Variants in SLC44A4 observed in about 807,000 individuals in gnomAD.
SLC44A4 encodes the protein solute carrier family 44 member 4.
Under a neutral mutation model 97.0 loss-of-function variants are expected in SLC44A4, and 74 were observed. The observed-to-expected ratio is 0.76, with a 90% confidence interval of 0.63 to 0.93. The LOEUF is 0.93. SLC44A4 is among the 40% of genes least tolerant of loss of function. The probability of loss-of-function intolerance (pLI) is 0.00; values close to 1 mark genes in which losing one functional copy is unlikely to be tolerated. For missense variants in SLC44A4, 799 were observed against 902.9 expected (o/e 0.88, Z 1.48); for synonymous variants, 325 against 363.8 (o/e 0.89, Z 1.21).
chr6:31,871,822 T>A (rs1256953446), intron 7 of SLC44A4, among the ~76,000 whole-genome samples: 1 of 152,078 alleles, frequency 6.6e-6, no homozygotes, highest in Non-Finnish European at 1.5e-5. Context: ...CACCCTTCCA[T>A]CCACCCTCCA....
rs1314142901 is a variant in SLC44A4, at chr6:31,877,008, C to T, written c.89+26G>A. 2.8e-5 allele frequency: 45 copies of T among 1,600,432 alleles called. No individual in the cohort carries two copies. Among genetic ancestry groups the T allele is most frequent in the East Asian group, 4.5e-5 (2 of 44,664 alleles). Reference sequence around the variant, plus strand: ...ACACTGCACCCACCACCCCCGCCAGCCCCCGGAGCAGTGCCCAGAGCTCAC... The same window carrying T: ...ACACTGCACCCACCACCCCCGCCAGTCCCCGGAGCAGTGCCCAGAGCTCAC... On this transcript the variant is annotated intron_variant, in intron 2 of 20. Transcript: ENST00000229729. The surrounding 1 kb of genome is among the most constrained non-coding windows in gnomAD (Gnocchi z 6.5).
Position 31,864,391 on chromosome 6 carries a change from C to A in SLC44A4, c.2011+261G>T. ...ATGCCTGGCCTCTAATGGCTAACTT[C>A]TACCCGAGATTTCTTAGGGAAGATA... On this transcript the variant is annotated intron_variant, in intron 20 of 20. Coordinates refer to ENST00000229729, the MANE Select transcript of SLC44A4 (RefSeq NM_025257.3). 4 of 575,888 alleles carry A rather than the reference C, an allele frequency of 6.9e-6. No individual in the cohort carries two copies. The South Asian group carries it at 8.7e-5, about 13-fold the overall frequency. 35.7% of individuals were successfully genotyped at this position (575,888 alleles called of 1,614,324 possible). A position where few individuals can be genotyped will look rare whatever the true frequency, so the allele number is the denominator to read the frequency against.
chr6:31,864,521 AAG>A (rs1305079222), intron 20 of SLC44A4, 129 bp downstream of exon 20: 1 of 832,040 alleles, frequency 1.2e-6, no homozygotes, highest in African/African-American at 1.7e-5. Flanking sequence ...ATGTCACAAG[AAG>A]CTCCCTCTGG....
chr6:31,869,450 C>T, intron 12 of SLC44A4, 95 bp downstream of exon 12: 3 of 1,131,530 alleles, frequency 2.7e-6, no homozygotes, highest in Admixed American at 4.1e-5. Context: ...GCACCTCTTC[C>T]AGTGACACCA....
At chr6:31,864,060 G>T (rs1562439348) in intron 20 of SLC44A4, among the ~76,000 whole-genome samples, 1 of 151,320 alleles carries the variant, frequency 6.6e-6, no homozygotes, top group Admixed American at 6.6e-5. Flanking sequence ...CTCTCTAATG[G>T]CTCTTTTTTT....
chr6:31,863,656 G>A lies in SLC44A4; in HGVS notation c.2104C>T (p.Pro702Ser), dbSNP rs748155512. Residue 702 changes from proline to serine, a missense_variant, in exon 21 of 21, where the codon CCC becomes TCC. Pro to Ser is a moderately conservative substitution (Grantham distance 74). This residue lies in a region of SLC44A4 where 379 missense variants were observed against 438.3 expected (regional missense o/e 0.86). Coordinates refer to ENST00000229729, the MANE Select transcript of SLC44A4 (RefSeq NM_025257.3). ...LKILGKKNEA[P>S]PDNKKRKK ...TTCTTCCTCTTCTTGTTGTCCGGGG[G>A]CGCCTCGTTCTTCTTGCCCAGAATC... 7 of 1,612,148 alleles carry A rather than the reference G, an allele frequency of 4.3e-6. No individual in the cohort carries two copies. The highest frequency in any genetic ancestry group is 4.0e-5 in the African/African-American group (3 of 74,820).
At position 31,864,499 on chromosome 6, in the gene SLC44A4, C is replaced by G. The variant is rs1762726382; in HGVS notation, c.2011+153G>C. ...CACTCTCTTCCTTCTTCCCTAAACG[C>G]CTGGCCTCAGGATGTCACAAGAAGC... On this transcript the variant is annotated intron_variant, in intron 20 of 20. Transcript: ENST00000229729. 4 of 699,514 alleles carry G rather than the reference C, an allele frequency of 5.7e-6. No individual in the cohort carries two copies. In the African/African-American group the frequency reaches 7.2e-5, roughly 13 times the overall value. The allele number at this position is 699,514 out of a possible 1,614,324, so 43.3% of individuals were successfully genotyped here.
intron 20 of SLC44A4, 79 bp downstream of exon 20, chr6:31,864,573 A>C: frequency 1.5e-6 from 2 of 1,359,554 alleles, no homozygotes; most frequent in Non-Finnish European, 2.1e-6. Context: ...AGAAGCACCA[A>C]ATCTCCAAAA....
chr6:31,866,171 C>T, intron 13 of SLC44A4, 45 bp from the exon 14 acceptor site: 1 of 1,601,340 alleles, frequency 6.2e-7, no homozygotes, highest in Admixed American at 1.7e-5. Context: ...CATCGGGGGC[C>T]TCAGTATGGA....
At chr6:31,873,201 C>T (rs1432426902) in intron 7 of SLC44A4, among the ~76,000 whole-genome samples, 2 of 151,940 alleles carry the variant, frequency 1.3e-5, no homozygotes, top group Non-Finnish European at 2.9e-5. Flanking sequence ...GACGGAGTCT[C>T]GCTCTGTCAG....
In SLC44A4 at chr6:31,864,843, G is replaced by A. The variant is rs962038377; in HGVS notation, c.1899C>T (p.His633=). ...PGLGKDFKSP[H]LNYYWLPIMT... is the part of the protein sequence containing the mutation. Reference sequence around the variant, plus strand: ...TGATGGGCAGCCAGTAATAGTTGAGGTGGGGGCTCTTAAAGTCTTTACCCA... The same window carrying A: ...TGATGGGCAGCCAGTAATAGTTGAGATGGGGGCTCTTAAAGTCTTTACCCA... The change falls in exon 19 of 21, where the codon CAC becomes CAT. Residue 633 remains histidine (H), a synonymous_variant. Transcript: ENST00000229729. 3.1e-6 allele frequency: 5 copies of A among 1,613,966 alleles called. No individual in the cohort carries two copies. Among genetic ancestry groups the A allele is most frequent in the Non-Finnish European group, 4.2e-6 (5 of 1,180,010 alleles).
At chr6:31,866,152 A>C (rs1270124444) in intron 13 of SLC44A4, 26 bp from the exon 14 acceptor site, 2 of 1,610,378 alleles carry the variant, frequency 1.2e-6, no homozygotes, top group Admixed American at 3.3e-5. Context: ...GGGATAGAGT[A>C]GGCTCAGGCA....
chr6:31,875,046 C>T lies in SLC44A4; in HGVS notation c.243-18G>A. On this transcript the variant is annotated intron_variant, in intron 4 of 20. Coordinates refer to ENST00000229729, the MANE Select transcript of SLC44A4 (RefSeq NM_025257.3). ...GCTTATCTCTGTGGGAGGGGAGGGA[C>T]CATGTGCATCAGGGCCTGGTCAGGT... is the stretch of plus-strand genomic sequence containing the variant. 1 of 1,596,124 alleles carries T rather than the reference C, an allele frequency of 6.3e-7. No individual in the cohort carries two copies. The highest frequency in any genetic ancestry group is 8.6e-7 in the Non-Finnish European group (1 of 1,166,916).
In SLC44A4 at chr6:31,874,798, C is replaced by T. The variant is rs147774384; in HGVS notation, c.391G>A (p.Glu131Lys). Residue 131 changes from glutamate (E) to lysine (K), a missense_variant, in exon 6 of 21, where the codon GAG (glutamate) becomes AAG (lysine). By Grantham distance (56) the Glu-to-Lys change is moderately conservative (BLOSUM62 1). Coordinates refer to ENST00000229729, the MANE Select transcript of SLC44A4 (RefSeq NM_025257.3). This position sits in a 1 kb window ranked among gnomAD's most constrained non-coding sequence, Gnocchi z 4.8. The stretch of plus-strand genomic sequence containing the variant: ...ACTTCCCCAACAGTCTGTGAGAACT[C>T]GTTTTTTCCCACAGTCCATGGGTCC... ...PEDPWTVGKN[E>K]FSQTVGEVFY... 1.4e-5 allele frequency: 23 copies of T among 1,613,878 alleles called. No individual in the cohort carries two copies. The highest frequency in any genetic ancestry group is 2.2e-5 in the East Asian group (1 of 44,890).
Position 31,864,805 on chromosome 6 carries a change from G to A in SLC44A4, c.1926+11C>T, listed in dbSNP as rs952252518. ...GTTGGGGGTGGAGCAGCAGAGAGGG[G>A]AGTCACTCACCATGATGGGCAGCCA... On this transcript the variant is annotated intron_variant, in intron 19 of 20. Transcript: ENST00000229729. 2 of 1,613,924 alleles carry A rather than the reference G, an allele frequency of 1.2e-6. No individual in the cohort carries two copies. Among genetic ancestry groups the A allele is most frequent in the Non-Finnish European group, 1.7e-6 (2 of 1,179,848 alleles).
At chr6:31,870,086 C>T (rs538180835) in intron 11 of SLC44A4, among the ~76,000 whole-genome samples, 1 of 152,280 alleles carries the variant, frequency 6.6e-6, no homozygotes, top group South Asian at 2.1e-4. Flanking sequence ...TCTTTCATAT[C>T]TGTGTCCTCA....
In SLC44A4 at chr6:31,870,636, C is replaced by T. The variant is rs549331790; in HGVS notation, c.1004G>A (p.Arg335His). 57 of 1,607,770 alleles carry T rather than the reference C, an allele frequency of 3.5e-5. 1 individual carries two copies. In the East Asian group the frequency reaches 4.5e-4, roughly 13 times the overall value. Reference protein sequence around the residue: ...LMLIFLRQRIRIAIALLKEAS... With the variant: ...LMLIFLRQRIHIAIALLKEAS... ...CTCCTTCAGGAGGGCGATGGCAATA[C>T]GAATCCGCTGCCGCAGGAAGATGAG... Residue 335 changes from arginine to histidine, a missense_variant, in exon 11 of 21, where the codon CGT (arginine) becomes CAT (histidine). Arg to His is a conservative substitution (Grantham distance 29). Coordinates refer to ENST00000229729, the MANE Select transcript of SLC44A4 (RefSeq NM_025257.3).
In SLC44A4 at chr6:31,877,010, C is replaced by G. The variant is rs193115921; in HGVS notation, c.89+24G>C. ...ACTGCACCCACCACCCCCGCCAGCC[C>G]CCGGAGCAGTGCCCAGAGCTCACCT... On this transcript the variant is annotated intron_variant, in intron 2 of 20. Coordinates refer to ENST00000229729, the MANE Select transcript of SLC44A4 (RefSeq NM_025257.3). This position sits in a 1 kb window ranked among gnomAD's most constrained non-coding sequence, Gnocchi z 6.5. The G allele has an allele frequency of 2.2e-5, 35 of 1,603,108 alleles. No homozygotes were observed. In the East Asian group the frequency reaches 6.7e-4, roughly 31 times the overall value.
intron 13 of SLC44A4, 129 bp from the exon 14 acceptor site, chr6:31,866,255 C>T (rs939193375): frequency 9.8e-6 from 12 of 1,222,206 alleles, no homozygotes; most frequent in East Asian, 7.1e-5. Context: ...CTCTGGACTG[C>T]GGGAATCAAG....
Sources: allele counts gnomAD v4.1 joint callset (sites outside exome capture counted in the v4.1 genomes callset), GRCh38; gene constraint gnomAD v4.1.1; regional missense constraint gnomAD v4.1.1; non-coding constraint Gnocchi (gnomAD v3.1); transcripts MANE v1.5; gene names NCBI Gene and HGNC (gene_info 2026-07-23, HGNC 2026-07-21).